Variants in EYA4 observed in about 807,000 individuals in gnomAD.
The protein encoded by EYA4 is EYA transcriptional coactivator and phosphatase 4.
Under a neutral mutation model 87.9 loss-of-function variants are expected in EYA4, and 31 were observed. The observed-to-expected ratio is 0.35, with a 90% CI of 0.27 to 0.48. The LOEUF (loss-of-function observed/expected upper bound fraction) is 0.48, where lower values mean the gene tolerates loss of function less well. Among genes scored for constraint, EYA4 ranks in the 20% least tolerant of loss-of-function variants. The pLI, the probability that EYA4 is intolerant of heterozygous loss-of-function variation, is 0.99. For synonymous variants in EYA4, 263 were observed against 270.6 expected (o/e 0.97, Z 0.28); for missense variants, 678 against 761.4 (o/e 0.89, Z 1.29).
At chr6:133,254,865 C>G (rs1775213773) in intron 1 of EYA4, among the ~76,000 whole-genome samples, 1 of 152,204 alleles carries the variant, frequency 6.6e-6, no homozygotes, top group African/African-American at 2.4e-5. Flanking sequence ...GAACTTCATG[C>G]TGGGGACACT....
chr6:133,505,588 G>A (rs563901640), intron 13 of EYA4, among the ~76,000 whole-genome samples: 7 of 152,172 alleles, frequency 4.6e-5, no homozygotes, highest in Non-Finnish European at 1.0e-4. Flanking sequence ...AGTGATGGTC[G>A]CACCATCCTC....
chr6:133,437,871 C>T (rs892047831), intron 3 of EYA4, among the ~76,000 whole-genome samples: 18 of 152,264 alleles, frequency 1.2e-4, no homozygotes, highest in African/African-American at 4.3e-4. Context: ...TTGTCTCTCC[C>T]TTGACATGTG....
intron 2 of EYA4, among the ~76,000 whole-genome samples, chr6:133,284,468 C>T (rs1777872236): frequency 6.6e-6 from 1 of 152,194 alleles, no homozygotes; most frequent in Non-Finnish European, 1.5e-5. Context: ...GCCACCGCAC[C>T]TGACCCTATT....
intron 2 of EYA4, among the ~76,000 whole-genome samples, chr6:133,320,106 T>A (rs1780960899): frequency 6.6e-6 from 1 of 152,084 alleles, no homozygotes; most frequent in African/African-American, 2.4e-5. Flanking sequence ...TTGTATGTAT[T>A]CATATTCTAT....
intron 1 of EYA4, among the ~76,000 whole-genome samples, chr6:133,261,124 T>C (rs1775768296): frequency 6.6e-6 from 1 of 152,056 alleles, no homozygotes; most frequent in Non-Finnish European, 1.5e-5. Context: ...CCAGGCCTTT[T>C]TCCACCCCAT....
At chr6:133,335,657 G>A (rs1051478411) in intron 2 of EYA4, among the ~76,000 whole-genome samples, 24 of 152,166 alleles carry the variant, frequency 1.6e-4, no homozygotes, top group African/African-American at 5.8e-4. Context: ...AGTAGGAAGA[G>A]GTTCTTGGAG....
chr6:133,461,313 C>A, intron 7 of EYA4, 133 bp downstream of exon 7: 1 of 726,532 alleles, frequency 1.4e-6, no homozygotes. Context: ...AATGGAGACA[C>A]CCACATGTAT....
At chr6:133,350,796 T>C (rs1397901119) in intron 2 of EYA4, among the ~76,000 whole-genome samples, 9 of 152,292 alleles carry the variant, frequency 5.9e-5, no homozygotes, top group African/African-American at 2.2e-4. Flanking sequence ...ATTTTAAATG[T>C]TCTATATTTT....
At chr6:133,440,572 C>A (rs769217529) in intron 3 of EYA4, among the ~76,000 whole-genome samples, 6 of 152,136 alleles carry the variant, frequency 3.9e-5, no homozygotes, top group Non-Finnish European at 8.8e-5. Flanking sequence ...ATGACCAGGT[C>A]ACTTCTGGTT....
chr6:133,510,991 T>C (rs1477514529), intron 14 of EYA4, among the ~76,000 whole-genome samples: 1 of 152,188 alleles, frequency 6.6e-6, no homozygotes, highest in Non-Finnish European at 1.5e-5. Flanking sequence ...CAGATTAAAT[T>C]TGGGGACCCA....
chr6:133,433,657 A>G (rs569735284), intron 3 of EYA4, among the ~76,000 whole-genome samples: 75 of 152,262 alleles, frequency 4.9e-4, no homozygotes, highest in African/African-American at 1.6e-3. Flanking sequence ...GCTGGCCAAC[A>G]TGTTTATTGT....
At chr6:133,453,910 A>C (rs1793682315) in intron 5 of EYA4, among the ~76,000 whole-genome samples, 1 of 152,100 alleles carries the variant, frequency 6.6e-6, no homozygotes, top group Non-Finnish European at 1.5e-5. Context: ...CAAACCTTTA[A>C]AATTTTAATG....
chr6:133,342,893 T>C (rs1376968371), intron 2 of EYA4, among the ~76,000 whole-genome samples: 1 of 152,166 alleles, frequency 6.6e-6, no homozygotes, highest in Non-Finnish European at 1.5e-5. Flanking sequence ...TATTTACTAA[T>C]AGTTCTGCAT....
Sources: gnomAD v4.1 joint callset for allele counts (sites outside exome capture counted in the v4.1 genomes callset) on GRCh38, gnomAD v4.1.1 for gene constraint, MANE v1.5 for transcripts, NCBI Gene and HGNC (gene_info 2026-07-23, HGNC 2026-07-21) for gene names.